The following SV2B variants were observed in gnomAD, a reference collection of about 807,000 sequenced individuals.
The protein encoded by SV2B is synaptic vesicle glycoprotein 2B.
SV2B carries 41 observed loss-of-function variants against 73.9 expected under a neutral mutation model. That is an observed-to-expected ratio of 0.56 (90% CI 0.43 to 0.72). SV2B has a LOEUF of 0.72. Among genes scored for constraint, SV2B ranks in the 30% least tolerant of loss-of-function variants. SV2B has a pLI of 0.00. For missense variants in SV2B, 764 were observed against 857.8 expected (o/e 0.89, Z 1.37); for synonymous variants, 314 against 314.2 (o/e 1.00, Z 0.01).
chr15:91,287,020 A>C (rs1359001460), intron 11 of SV2B, among the ~76,000 whole-genome samples: 2 of 152,138 alleles, frequency 1.3e-5, no homozygotes. Context: ...GGCCCCTCTG[A>C]GGGATGCATG....
Position 91,292,740 on chromosome 15 carries a change from G to A in SV2B, c.*188G>A. 1.6e-6 allele frequency: 1 copy of A among 644,068 alleles called. No individual in the cohort carries two copies. The highest frequency in any genetic ancestry group is 2.5e-6 in the Non-Finnish European group (1 of 407,138). The allele number at this position is 644,068 out of a possible 1,614,324, so 39.9% of individuals were successfully genotyped here. On this transcript the variant is annotated 3_prime_UTR_variant, in exon 13 of 13. Transcript: ENST00000394232. ...TTGTAACTCAGGTGACTGATTTGGG[G>A]GTGCCCTGAGCCACCCTTAGAATCA...
Position 91,250,138 on chromosome 15 carries a change from C to T in SV2B, c.452-1681C>T, listed in dbSNP as rs148351323. On this transcript the variant is annotated intron_variant, in intron 2 of 12. Transcript: ENST00000394232. ...CTACAAAATACTAGCAAATTAAATT[C>T]GACAGCACATTAAAAGGATCATACA... Among the ~76,000 whole-genome samples, 543 of 152,248 alleles carry T rather than the reference C, an allele frequency of 3.6e-3. 5 individuals are homozygous for T. Among genetic ancestry groups the T allele is most frequent in the African/African-American group, 0.012 (511 of 41,530 alleles).
At chr15:91,228,118 A>T (rs2046444026) in intron 2 of SV2B, among the ~76,000 whole-genome samples, 2 of 152,222 alleles carry the variant, frequency 1.3e-5, no homozygotes, top group East Asian at 3.8e-4. Context: ...GAACCTCTGC[A>T]TAAAAAATTG....
At position 91,268,166 on chromosome 15, in the gene SV2B, A is replaced by G. The variant is rs111621432; in HGVS notation, c.1209-275A>G. ...TCTGGCTGAGACATGTATATTTTACATGTTAAGGAGGTGTCCCTCAACCCC... is the reference window on the plus strand; with the variant it reads ...TCTGGCTGAGACATGTATATTTTACGTGTTAAGGAGGTGTCCCTCAACCCC... On this transcript the variant is annotated intron_variant, in intron 8 of 12. Coordinates refer to ENST00000394232, the MANE Select transcript of SV2B (RefSeq NM_001323032.3). This position sits in a 1 kb window ranked among gnomAD's most constrained non-coding sequence, Gnocchi z 4.4. 6.9e-3 allele frequency among the ~76,000 whole-genome samples: 1,047 copies of G among 152,308 alleles called. 4 individuals are homozygous for G. Among genetic ancestry groups the G allele is most frequent in the African/African-American group, 0.024 (989 of 41,574 alleles).
chr15:91,247,261 T>G (rs907565195), intron 2 of SV2B, among the ~76,000 whole-genome samples: 3 of 152,186 alleles, frequency 2.0e-5, no homozygotes, highest in Admixed American at 2.0e-4. Flanking sequence ...GGGCAAGTTA[T>G]TGACCCTTTC....
At chr15:91,171,856 C>T (rs1048129194) in intron 1 of SV2B, among the ~76,000 whole-genome samples, 17 of 152,120 alleles carry the variant, frequency 1.1e-4, no homozygotes, top group South Asian at 2.1e-4. Flanking sequence ...GGATCTATCT[C>T]GCTCCATGAC....
intron 1 of SV2B, among the ~76,000 whole-genome samples, chr15:91,225,460 A>G (rs1290252814): frequency 6.6e-6 from 1 of 152,214 alleles, no homozygotes; most frequent in Non-Finnish European, 1.5e-5. Flanking sequence ...CCATAATACA[A>G]AATTGTCTTA....
Position 91,209,107 on chromosome 15 carries a change from GTTTTTTGTTTT to G in SV2B, c.-391-16759_-391-16749del, listed in dbSNP as rs1291693830. Among the ~76,000 whole-genome samples, 150 of 121,950 alleles carry G rather than the reference GTTTTTTGTTTT, an allele frequency of 1.2e-3. 4 individuals carry two copies. The Middle Eastern group carries it at 0.018, about 15-fold the overall frequency. 80.0% of individuals were successfully genotyped at this position (121,950 alleles called of 152,430 possible). A position where few individuals can be genotyped will look rare whatever the true frequency, so the allele number is the denominator to read the frequency against. On this transcript the variant is annotated intron_variant, in intron 1 of 12. Transcript: ENST00000394232. ...TACAATGAGTGACTGTGGCAGTACT[GTTTTTTGTTTT>G]TTTTTTTTTTTTTTTTTTTTTGAGA...
rs140744387 is a variant in SV2B, at chr15:91,219,596, T to G, written c.-391-6277T>G. ...GATTTTAATAGGTTAAATATTTTTT[T>G]GGGGGTGGGGCAGCAGCTTTATTGA... On this transcript the variant is annotated intron_variant, in intron 1 of 12. Coordinates refer to ENST00000394232, the MANE Select transcript of SV2B (RefSeq NM_001323032.3). Among the ~76,000 whole-genome samples the G allele has an allele frequency of 1.7e-3, 253 of 152,286 alleles. 3 individuals carry two copies. The highest frequency in any genetic ancestry group is 5.1e-3 in the African/African-American group (210 of 41,558).
Position 91,240,649 on chromosome 15 carries a change from G to A in SV2B, c.452-11170G>A, listed in dbSNP as rs2046973018. On this transcript the variant is annotated intron_variant, in intron 2 of 12. Coordinates refer to ENST00000394232, the MANE Select transcript of SV2B (RefSeq NM_001323032.3). This position sits in a 1 kb window ranked among gnomAD's most constrained non-coding sequence, Gnocchi z 4.6. ...AGCTTCCCAGCATTTTTTCTCCCCA[G>A]TACTACCAGCCTTGCCACCAAGATC... is the stretch of plus-strand genomic sequence containing the variant. Among the ~76,000 whole-genome samples, 1 of 151,546 alleles carries A rather than the reference G, an allele frequency of 6.6e-6. No individual in the cohort carries two copies. The highest frequency in any genetic ancestry group is 1.5e-5 in the Non-Finnish European group (1 of 67,886).
At chr15:91,181,786 A>G (rs1186421790) in intron 1 of SV2B, among the ~76,000 whole-genome samples, 2 of 151,382 alleles carry the variant, frequency 1.3e-5, no homozygotes, top group Non-Finnish European at 2.9e-5. Flanking sequence ...TGTAGGAGTC[A>G]TGGTTGAATC....
At chr15:91,250,555 T>C (rs2047442821) in intron 2 of SV2B, among the ~76,000 whole-genome samples, 1 of 152,164 alleles carries the variant, frequency 6.6e-6, no homozygotes, top group African/African-American at 2.4e-5. Context: ...TGGCATCTTA[T>C]ACATAGAAAA....
At chr15:91,188,475 G>A (rs904859051) in intron 1 of SV2B, among the ~76,000 whole-genome samples, 2 of 151,862 alleles carry the variant, frequency 1.3e-5, no homozygotes, top group South Asian at 4.2e-4. Flanking sequence ...CACCACGCCT[G>A]GCTAATTTTT....
chr15:91,289,430 G>T lies in SV2B; in HGVS notation c.1709-91G>T. ...CAGCCTTGGCTTCAGGTGTACCAGT[G>T]AGGGTGGGAGATGGGGCAAGAACTG... On this transcript the variant is annotated intron_variant, in intron 11 of 12. Transcript: ENST00000394232. This position sits in a 1 kb window ranked among gnomAD's most constrained non-coding sequence, Gnocchi z 4.9. 2 of 1,530,178 alleles carry T rather than the reference G, an allele frequency of 1.3e-6. No individual in the cohort carries two copies. Among genetic ancestry groups the T allele is most frequent in the South Asian group, 2.3e-5 (2 of 88,598 alleles). 94.8% of individuals were successfully genotyped at this position (1,530,178 alleles called of 1,614,324 possible). A position where few individuals can be genotyped will look rare whatever the true frequency, so the allele number is the denominator to read the frequency against.
At chr15:91,181,265 G>A (rs1429208550) in intron 1 of SV2B, among the ~76,000 whole-genome samples, 1 of 152,050 alleles carries the variant, frequency 6.6e-6, no homozygotes, top group East Asian at 1.9e-4. Flanking sequence ...TTTTGTCTCA[G>A]AGGAGTACCC....
intron 1 of SV2B, among the ~76,000 whole-genome samples, chr15:91,119,294 T>C (rs2042261358): frequency 6.6e-6 from 1 of 152,168 alleles, no homozygotes; most frequent in Non-Finnish European, 1.5e-5. Context: ...AAGTTAAGAT[T>C]TCCTAAGGTA....
At chr15:91,255,628 T>TA (rs2047660381) in intron 4 of SV2B, among the ~76,000 whole-genome samples, 2 of 152,146 alleles carry the variant, frequency 1.3e-5, no homozygotes, top group Admixed American at 1.3e-4. Context: ...AAATAAAAAA[T>TA]TAAAAAAATT....
In SV2B at chr15:91,258,574, C is replaced by G. The variant is rs986487982; in HGVS notation, c.918+20C>G. The G allele has an allele frequency of 2.5e-6, 4 of 1,612,692 alleles. No homozygotes were observed. The African/African-American group carries it at 5.3e-5, about 22-fold the overall frequency. On this transcript the variant is annotated intron_variant, in intron 5 of 12. Transcript: ENST00000394232. This position sits in a 1 kb window ranked among gnomAD's most constrained non-coding sequence, Gnocchi z 4.7. The stretch of plus-strand genomic sequence containing the variant: ...CTAGAGGTGAGTCAGTGCTTTTCCA[C>G]CAGGGGGAGAGTGACAAAACAGCCA...
rs1485037866 is a variant in SV2B, at chr15:91,294,880, A to G, written c.*2328A>G. ...GCCAATCAAGGGCAATTCCCATCTC[A>G]TCCATCACTCAGGTCTTTGTAAAGG... On this transcript the variant is annotated 3_prime_UTR_variant, in exon 13 of 13. Coordinates refer to ENST00000394232, the MANE Select transcript of SV2B (RefSeq NM_001323032.3). This position sits in a 1 kb window ranked among gnomAD's most constrained non-coding sequence, Gnocchi z 4.1. The G allele has an allele frequency of 6.6e-6, 1 of 152,610 alleles. No homozygotes were observed. The highest frequency in any genetic ancestry group is 1.5e-5 in the Non-Finnish European group (1 of 68,052). 9.5% of individuals were successfully genotyped at this position (152,610 alleles called of 1,614,324 possible). A position where few individuals can be genotyped will look rare whatever the true frequency, so the allele number is the denominator to read the frequency against.
Sources: gnomAD v4.1 joint callset for allele counts (sites outside exome capture counted in the v4.1 genomes callset) on GRCh38, gnomAD v4.1.1 for gene constraint, Gnocchi (gnomAD v3.1) non-coding constraint, MANE v1.5 for transcripts, NCBI Gene and HGNC (gene_info 2026-07-23, HGNC 2026-07-21) for gene names.